The following FAM110A variants were observed in gnomAD, a reference collection of about 807,000 sequenced individuals.
The protein encoded by FAM110A is family with sequence similarity 110 member A, also known as protein FAM110A.
A neutral mutation model predicts 4.0 loss-of-function variants in FAM110A; 1 was observed. The ratio of observed to expected loss-of-function variants is 0.25; its 90% CI spans 0.09 to 1.20. FAM110A has a LOEUF of 1.20. FAM110A is among the 50% of genes most tolerant of loss of function. The probability of loss-of-function intolerance (pLI) is 0.50; values close to 1 mark genes in which losing one functional copy is unlikely to be tolerated. For synonymous variants in FAM110A, 217 were observed against 196.8 expected, an observed-to-expected ratio of 1.10 and a Z score of -0.86; for missense variants, 436 against 429.2, an observed-to-expected ratio of 1.02 and a Z score of -0.14.
At chr20:838,854 CTGT>C in intron 1 of FAM110A, among the ~76,000 whole-genome samples, 1 of 144,000 alleles carries the variant, frequency 6.9e-6, no homozygotes, top group Non-Finnish European at 1.5e-5. Context: ...GAGTCTTGCT[CTGT>C]TGTCCAGGCT....
rs1047851287 is a variant in FAM110A, at chr20:845,509, A to G, written c.705A>G (p.Ala235=). 9.3e-6 allele frequency: 15 copies of G among 1,612,156 alleles called. No individual in the cohort carries two copies. The highest frequency in any genetic ancestry group is 3.3e-5 in the Admixed American group (2 of 59,830). The change falls in exon 2 of 2, where the codon GCA becomes GCG. Residue 235 remains alanine (A), a synonymous_variant. Coordinates refer to ENST00000381941, the MANE Select transcript of FAM110A (RefSeq NM_001042353.3). ...ARASSDIVSL[A]GPSAGPGSSE... ...CCAGCTCGGATATCGTGTCCCTGGC[A>G]GGGCCCAGTGCTGGGCCGGGCAGCT...
chr20:839,508 G>A, intron 1 of FAM110A: 2 of 1,004,940 alleles, frequency 2.0e-6, no homozygotes, highest in Non-Finnish European at 3.2e-6. Flanking sequence ...TTCGGTTGCT[G>A]ACCCAGCCCC....
intron 1 of FAM110A, among the ~76,000 whole-genome samples, chr20:842,523 G>T (rs920860993): frequency 1.3e-5 from 2 of 152,152 alleles, no homozygotes; most frequent in African/African-American, 4.8e-5. Context: ...TCTCCTGGGG[G>T]TCGGCCCTGG....
chr20:839,424 A>C, intron 1 of FAM110A: 1 of 670,028 alleles, frequency 1.5e-6, no homozygotes, highest in Non-Finnish European at 2.8e-6. Flanking sequence ...AGTTTATTCA[A>C]TGTGAAATAA....
Position 844,836 on chromosome 20 carries a change from C to T in FAM110A, c.32C>T (p.Pro11Leu), listed in dbSNP as rs1329229165. The T allele has an allele frequency of 6.6e-7, 1 of 1,516,824 alleles. No individual in the cohort carries two copies. Among genetic ancestry groups the T allele is most frequent in the Non-Finnish European group, 8.8e-7 (1 of 1,132,804 alleles). The allele number at this position is 1,516,824 out of a possible 1,614,324, so 94.0% of individuals were successfully genotyped here. MPVHTLSPGA[P>L]SAPALPCRLR... ...GTGCACACGCTGAGCCCCGGAGCCC[C>T]GTCCGCCCCCGCCCTACCTTGCCGC... Residue 11 changes from proline (P) to leucine (L), a missense_variant, in exon 2 of 2, where the codon CCG becomes CTG. Pro to Leu is a moderately conservative substitution (Grantham distance 98). Coordinates refer to ENST00000381941, the MANE Select transcript of FAM110A (RefSeq NM_001042353.3).
At chr20:837,535 G>C (rs1296188488) in intron 1 of FAM110A, among the ~76,000 whole-genome samples, 1 of 152,250 alleles carries the variant, frequency 6.6e-6, no homozygotes, top group Non-Finnish European at 1.5e-5. Flanking sequence ...CTCATGCAGA[G>C]AGGGAGGCAC....
rs926407682 is a variant in FAM110A at position 834,119 on chromosome 20, C to A, written c.-98+168C>A. 2.6e-5 allele frequency among the ~76,000 whole-genome samples: 4 copies of A among 152,224 alleles called. No homozygotes were observed. The highest frequency in any genetic ancestry group is 4.8e-5 in the African/African-American group (2 of 41,450). On this transcript the variant is annotated intron_variant, in intron 1 of 1. Transcript: ENST00000381941. The surrounding 1 kb of genome is among the most constrained non-coding windows in gnomAD (Gnocchi z 5.6). ...GGCCCGGCGAGCTCTGGCGGAGAAT[C>A]CAGTTCAAGTCTTTCTGCCCCACCT...
chr20:836,385 C>T (rs948391360), intron 1 of FAM110A, among the ~76,000 whole-genome samples: 1 of 152,156 alleles, frequency 6.6e-6, no homozygotes, highest in African/African-American at 2.4e-5. Context: ...GCCTGGCAAT[C>T]ACCATTCTAC....
chr20:842,525 C>T (rs575724672), intron 1 of FAM110A, among the ~76,000 whole-genome samples: 1 of 152,092 alleles, frequency 6.6e-6, no homozygotes, highest in Non-Finnish European at 1.5e-5. Context: ...TCCTGGGGGT[C>T]GGCCCTGGTG....
chr20:842,208 G>A (rs888473534), intron 1 of FAM110A, among the ~76,000 whole-genome samples: 1 of 152,248 alleles, frequency 6.6e-6, no homozygotes, highest in Non-Finnish European at 1.5e-5. Flanking sequence ...GCGAGCCGAA[G>A]GCCGGCGGGC....
At chr20:839,970 A>G in intron 1 of FAM110A, 1 of 1,442,796 alleles carries the variant, frequency 6.9e-7, no homozygotes, top group Non-Finnish European at 9.7e-7. Context: ...CTTCTTAGGC[A>G]TCAGCATCTT....
In FAM110A at chr20:834,074, C is replaced by T. The variant is rs1979454008; in HGVS notation, c.-98+123C>T. 1 of 152,544 alleles carries T rather than the reference C, an allele frequency of 6.6e-6. No individual in the cohort carries two copies. Among genetic ancestry groups the T allele is most frequent in the African/African-American group, 2.4e-5 (1 of 41,462 alleles). 9.4% of individuals were successfully genotyped at this position (152,544 alleles called of 1,614,324 possible). A position where few individuals can be genotyped will look rare whatever the true frequency, so the allele number is the denominator to read the frequency against. On this transcript the variant is annotated intron_variant, in intron 1 of 1. Coordinates refer to ENST00000381941, the MANE Select transcript of FAM110A (RefSeq NM_001042353.3). The surrounding 1 kb of genome is among the most constrained non-coding windows in gnomAD (Gnocchi z 5.6). ...CATTTCACAGATGAGGACTCTGAGG[C>T]TCAGAGAGGCAAGTGTCCCGGCCCG...
Position 843,370 on chromosome 20 carries a change from A to G in FAM110A, c.-97-1338A>G, listed in dbSNP as rs570860333. ...GGGCTGTCCAATGTAGCTTCCTACC[A>G]TGGATGGAAATGCTGTACTCTGTGC... On this transcript the variant is annotated intron_variant, in intron 1 of 1. Coordinates refer to ENST00000381941, the MANE Select transcript of FAM110A (RefSeq NM_001042353.3). 2.6e-5 allele frequency among the ~76,000 whole-genome samples: 4 copies of G among 152,324 alleles called. No individual in the cohort carries two copies. The South Asian group carries it at 8.3e-4, about 32-fold the overall frequency.
intron 1 of FAM110A, among the ~76,000 whole-genome samples, chr20:842,150 C>G (rs1243868920): frequency 1.3e-5 from 2 of 152,208 alleles, no homozygotes; most frequent in Non-Finnish European, 2.9e-5. Flanking sequence ...GTAACCGAGT[C>G]TGTAAAGAGG....
At position 834,784 on chromosome 20, in the gene FAM110A, C is replaced by G. The variant is rs1173410735; in HGVS notation, c.-98+833C>G. 2.6e-5 allele frequency among the ~76,000 whole-genome samples: 4 copies of G among 152,192 alleles called. No homozygotes were observed. In the East Asian group the frequency reaches 5.8e-4, roughly 22 times the overall value. ...AGAATCCTTGACACACAGAATCATG[C>G]ATTTTGAGAGTCTTCAATCTCTTCA... On this transcript the variant is annotated intron_variant, in intron 1 of 1. Coordinates refer to ENST00000381941, the MANE Select transcript of FAM110A (RefSeq NM_001042353.3). This position sits in a 1 kb window ranked among gnomAD's most constrained non-coding sequence, Gnocchi z 5.6.
At chr20:835,192 C>CTATATATA (rs1282809206) in intron 1 of FAM110A, among the ~76,000 whole-genome samples, 8 of 126,252 alleles carry the variant, frequency 6.3e-5, no homozygotes, top group African/African-American at 2.2e-4. Context: ...CTCTCTCTCT[C>CTATATATA]TCTCTCTCTA....
At position 839,804 on chromosome 20, in the gene FAM110A, C is replaced by T; in HGVS notation, c.-97-4904C>T. 3.2e-6 allele frequency: 5 copies of T among 1,578,194 alleles called. No individual in the cohort carries two copies. The South Asian group carries it at 4.4e-5, about 14-fold the overall frequency. On this transcript the variant is annotated intron_variant, in intron 1 of 1. Coordinates refer to ENST00000381941, the MANE Select transcript of FAM110A (RefSeq NM_001042353.3). ...AATGTCTCCAGGCAAACTGTTCCTT[C>T]ACGCAGCCCCGGGACTTGAGAGACT...
chr20:845,875 G>T lies in FAM110A; in HGVS notation c.*183G>T. On this transcript the variant is annotated 3_prime_UTR_variant, in exon 2 of 2. Transcript: ENST00000381941. Reference sequence around the variant, plus strand: ...TTGGGCAAGGACTGACTCTCCAAGGGTTTTGTTCTTGGCTTTGGACACCTG... The same window carrying T: ...TTGGGCAAGGACTGACTCTCCAAGGTTTTTGTTCTTGGCTTTGGACACCTG... 1 of 1,355,036 alleles carries T rather than the reference G, an allele frequency of 7.4e-7. No homozygotes were observed. The highest frequency in any genetic ancestry group is 1.5e-5 in the South Asian group (1 of 65,020). 83.9% of individuals were successfully genotyped at this position (1,355,036 alleles called of 1,614,324 possible).
Position 845,161 on chromosome 20 carries a change from C to A in FAM110A, c.357C>A (p.Ser119=). Residue 119 remains serine (S), a synonymous_variant, in exon 2 of 2, where the codon TCC becomes TCA. Transcript: ENST00000381941. ...SLIDLCDSPV[S]PAEASRTPGR... is the part of the protein sequence containing the mutation. ...TCGACTTGTGTGACAGCCCCGTGTC[C>A]CCTGCCGAGGCCAGCCGCACTCCTG... The A allele has an allele frequency of 6.4e-7, 1 of 1,573,470 alleles. No homozygotes were observed. Among genetic ancestry groups the A allele is most frequent in the Non-Finnish European group, 8.6e-7 (1 of 1,163,632 alleles).
Sources: gnomAD v4.1 joint callset for allele counts (sites outside exome capture counted in the v4.1 genomes callset) on GRCh38, gnomAD v4.1.1 for gene constraint, Gnocchi (gnomAD v3.1) non-coding constraint, MANE v1.5 for transcripts, NCBI Gene and HGNC (gene_info 2026-07-23, HGNC 2026-07-21) for gene names.